The following HIVEP2 variants were observed in gnomAD, a reference collection of about 807,000 sequenced individuals.
HIVEP2 encodes the protein HIVEP zinc finger 2.
HIVEP2 carries 14 observed loss-of-function variants against 180.7 expected under a neutral mutation model. The ratio of observed to expected loss-of-function variants is 0.08; its 90% confidence interval spans 0.05 to 0.12. The LOEUF (loss-of-function observed/expected upper bound fraction) is 0.12. Among genes scored for constraint, HIVEP2 ranks in the 10% least tolerant of loss-of-function variants. HIVEP2 has a pLI of 1.00. For synonymous variants in HIVEP2, 1,184 were observed against 1,136.4 expected, an observed-to-expected ratio of 1.04 and a Z score of -0.84; for missense variants, 2,579 against 3,008.5, an observed-to-expected ratio of 0.86 and a Z score of 3.34.
chr6:142,856,421 A>C (rs1266892977), intron 1 of HIVEP2, among the ~76,000 whole-genome samples: 1 of 152,256 alleles, frequency 6.6e-6, no homozygotes, highest in African/African-American at 2.4e-5. Context: ...ATATGCAAGG[A>C]GTTGACTCCC....
chr6:142,760,409 T>C lies in HIVEP2; in HGVS notation c.5879A>G (p.Asp1960Gly), dbSNP rs768674269. 10 of 1,614,076 alleles carry C rather than the reference T, an allele frequency of 6.2e-6. No homozygotes were observed. The highest frequency in any genetic ancestry group is 7.6e-6 in the Non-Finnish European group (9 of 1,180,050). The change falls in exon 9 of 10, where the codon GAT (aspartate) becomes GGT (glycine). Residue 1960 changes from aspartate to glycine, a missense_variant. By Grantham distance (94) the Asp-to-Gly change is moderately conservative. Around this residue, in one of 11 missense-constraint regions of HIVEP2, gnomAD observed 660 missense variants for 731.7 expected, o/e 0.90. Transcript: ENST00000367603. ...VGAVPHGVPS[D>G]SSLGHSSLIS... ...CAACGAAGAATGTCCCAGGGAACTA[T>C]CTGAAGGAACCCCGTGGGGTACGGC...
chr6:142,898,159 TCTGGAG>T (rs1777046076), intron 1 of HIVEP2, among the ~76,000 whole-genome samples: 1 of 152,136 alleles, frequency 6.6e-6, no homozygotes, highest in Non-Finnish European at 1.5e-5. Context: ...TGGCTTTGAG[TCTGGAG>T]CTTTACCTAT....
intron 1 of HIVEP2, among the ~76,000 whole-genome samples, chr6:142,860,207 T>C (rs1008673505): frequency 3.3e-5 from 5 of 152,190 alleles, no homozygotes; most frequent in African/African-American, 9.7e-5. Flanking sequence ...CTCCCATTCA[T>C]GTTAAGAAGA....
At chr6:142,761,591 A>G (rs1299084424) in intron 7 of HIVEP2, 26 bp from the exon 8 acceptor site, 2 of 1,264,392 alleles carry the variant, frequency 1.6e-6, no homozygotes, top group South Asian at 2.4e-5. Context: ...AAAAAAAGAG[A>G]GAAATTAATT....
intron 9 of HIVEP2, 47 bp downstream of exon 9, chr6:142,759,725 A>G (rs373511586): frequency 4.1e-6 from 6 of 1,464,728 alleles, no homozygotes; most frequent in Non-Finnish European, 4.6e-6. Flanking sequence ...CAGGAGGACC[A>G]ATGTGCTTCC....
At chr6:142,867,014 T>A (rs1177305677) in intron 1 of HIVEP2, among the ~76,000 whole-genome samples, 1 of 152,150 alleles carries the variant, frequency 6.6e-6, no homozygotes, top group Non-Finnish European at 1.5e-5. Context: ...TTATAAGAAA[T>A]CTTAGGTAGA....
At chr6:142,755,860 C>A (rs545015491) in intron 9 of HIVEP2, among the ~76,000 whole-genome samples, 2 of 152,318 alleles carry the variant, frequency 1.3e-5, no homozygotes, top group South Asian at 4.1e-4. Context: ...CCAAGCCCCA[C>A]CAGGCATTTC....
At chr6:142,788,533 T>G (rs1300608683) in intron 2 of HIVEP2, 1 of 152,218 alleles carries the variant, frequency 6.6e-6, no homozygotes, top group Non-Finnish European at 1.5e-5. Context: ...GCCAACATGG[T>G]GAAACCCTGT....
chr6:142,863,324 CCA>C (rs1776054332), intron 1 of HIVEP2, among the ~76,000 whole-genome samples: 1 of 151,466 alleles, frequency 6.6e-6, no homozygotes, highest in South Asian at 2.1e-4. Context: ...TAGATACAAA[CCA>C]AATCTTTTGT....
At chr6:142,898,259 C>T (rs956780642) in intron 1 of HIVEP2, among the ~76,000 whole-genome samples, 1 of 152,192 alleles carries the variant, frequency 6.6e-6, no homozygotes, top group Non-Finnish European at 1.5e-5. Flanking sequence ...CCTAAGAATG[C>T]ACAGGTGATA....
rs117521972 is a variant in HIVEP2 at position 142,767,103 on chromosome 6, T to G, written c.5342+1279A>C. ...ATGTTCACATACGCTTTTTCACTTG[T>G]GTCCTTCGTTAGTGGAGATGGGCTC... On this transcript the variant is annotated intron_variant, in intron 6 of 9. Coordinates refer to ENST00000367603, the MANE Select transcript of HIVEP2 (RefSeq NM_006734.4). Among the ~76,000 whole-genome samples, 118 of 152,334 alleles carry G rather than the reference T, an allele frequency of 7.7e-4. No homozygotes were observed. The East Asian group carries it at 0.015, about 20-fold the overall frequency.
At chr6:142,835,395 T>C (rs1775196741) in intron 2 of HIVEP2, among the ~76,000 whole-genome samples, 1 of 152,178 alleles carries the variant, frequency 6.6e-6, no homozygotes, top group Non-Finnish European at 1.5e-5. Flanking sequence ...CCAATTTAAA[T>C]GTCACTTAAC....
At chr6:142,904,268 T>C (rs910485007) in intron 1 of HIVEP2, among the ~76,000 whole-genome samples, 1 of 152,186 alleles carries the variant, frequency 6.6e-6, no homozygotes, top group African/African-American at 2.4e-5. Flanking sequence ...CCCCAAATAT[T>C]ATTTACCCAT....
At chr6:142,940,692 A>C (rs961787141) in intron 1 of HIVEP2, among the ~76,000 whole-genome samples, 1 of 152,142 alleles carries the variant, frequency 6.6e-6, no homozygotes, top group African/African-American at 2.4e-5. Flanking sequence ...TGTCTAGCAC[A>C]AGGCCTAATC....
chr6:142,944,612 C>A (rs1001901814), intron 1 of HIVEP2, among the ~76,000 whole-genome samples: 3 of 152,158 alleles, frequency 2.0e-5, no homozygotes, highest in African/African-American at 4.8e-5. Context: ...GAGAGCCCCT[C>A]GTTAACCCCC....
In HIVEP2 at chr6:142,773,427, G is replaced by A. The variant is rs745768107; in HGVS notation, c.1312C>T (p.Leu438Phe). ...TCCTGACTTGTGGTTGTAACACTGA[G>A]TGCATTTCTCGGACTAAGCCGACAG... is the stretch of plus-strand genomic sequence containing the variant. ...KYCRLSPRNALSVTTTSQERA... is the reference protein window; with the variant it reads ...KYCRLSPRNAFSVTTTSQERA... Residue 438 changes from leucine to phenylalanine, a missense_variant, in exon 5 of 10, where the codon CTC (leucine) becomes TTC (phenylalanine). Around this residue, in one of 11 missense-constraint regions of HIVEP2, gnomAD observed 524 missense variants for 563.6 expected, o/e 0.93. Transcript: ENST00000367603. 2.5e-6 allele frequency: 4 copies of A among 1,614,192 alleles called. No homozygotes were observed. Among genetic ancestry groups the A allele is most frequent in the East Asian group, 2.2e-5 (1 of 44,884 alleles).
chr6:142,836,445 T>C (rs1313423861), intron 2 of HIVEP2, among the ~76,000 whole-genome samples: 1 of 152,172 alleles, frequency 6.6e-6, no homozygotes, highest in Non-Finnish European at 1.5e-5. Context: ...ACAAGGAAGC[T>C]GAATCCATCA....
In HIVEP2 at chr6:142,943,146, C is replaced by T. The variant is rs1778219843; in HGVS notation, c.-641+1953G>A. On this transcript the variant is annotated intron_variant, in intron 1 of 9. Transcript: ENST00000367603. This position sits in a 1 kb window ranked among gnomAD's most constrained non-coding sequence, Gnocchi z 4.5. ...TTCTCTTAATAATGAAAATGATACC[C>T]ACTTTAGTCACAGAAAGGACATTTC... 6.6e-6 allele frequency among the ~76,000 whole-genome samples: 1 copy of T among 152,126 alleles called. No individual in the cohort carries two copies. The highest frequency in any genetic ancestry group is 1.5e-5 in the Non-Finnish European group (1 of 68,012).
At position 142,793,673 on chromosome 6, in the gene HIVEP2, T is replaced by TTCTCTCTCTC. The variant is rs71546219; in HGVS notation, c.-527-10068_-527-10059dup. Among the ~76,000 whole-genome samples, 955 of 106,952 alleles carry TTCTCTCTCTC rather than the reference T, an allele frequency of 8.9e-3. 14 individuals are homozygous for TTCTCTCTCTC. The highest frequency in any genetic ancestry group is 0.063 in the East Asian group (191 of 3,008). The allele number at this position is 106,952 out of a possible 152,430, so 70.2% of individuals were successfully genotyped here. A position where few individuals can be genotyped will look rare whatever the true frequency, so the allele number is the denominator to read the frequency against. ...CTTTCTTTCTTTTTTCTTTCTTTCTTTCTCTCTCTCTCTCTCTCTCTCTCT... is the reference window on the plus strand; with the variant it reads ...CTTTCTTTCTTTTTTCTTTCTTTCTTTCTCTCTCTCTCTCTCTCTCTCTCTCTCTCTCTCT... On this transcript the variant is annotated intron_variant, in intron 2 of 9. Coordinates refer to ENST00000367603, the MANE Select transcript of HIVEP2 (RefSeq NM_006734.4).
Sources: gnomAD v4.1 joint callset for allele counts (sites outside exome capture counted in the v4.1 genomes callset) on GRCh38, gnomAD v4.1.1 for gene constraint, gnomAD v4.1.1 regional missense constraint, Gnocchi (gnomAD v3.1) non-coding constraint, MANE v1.5 for transcripts, NCBI Gene and HGNC (gene_info 2026-07-23, HGNC 2026-07-21) for gene names.